TNR: variants seen among roughly 807,000 people sequenced by gnomAD.
The protein encoded by TNR is tenascin R.
TNR carries 45 observed loss-of-function variants against 150.4 expected under a neutral mutation model. The ratio of observed to expected loss-of-function variants is 0.30; its 90% confidence interval spans 0.24 to 0.38. TNR has a LOEUF of 0.38. Among genes scored for constraint, TNR ranks in the 10% least tolerant of loss-of-function variants. The pLI, the probability that TNR is intolerant of heterozygous loss-of-function variation, is 1.00. For missense variants in TNR, 1,544 were observed against 1,759.1 expected, an observed-to-expected ratio of 0.88 and a Z score of 2.19; for synonymous variants, 687 against 678.4, an observed-to-expected ratio of 1.01 and a Z score of -0.20.
intron 2 of TNR, among the ~76,000 whole-genome samples, chr1:175,465,398 A>C (rs1020109022): frequency 1.3e-5 from 2 of 152,234 alleles, no homozygotes; most frequent in African/African-American, 4.8e-5. Context: ...ATGGCACAGA[A>C]TGAGACTTGA....
At chr1:175,713,656 G>T (rs1244592049) in intron 1 of TNR, among the ~76,000 whole-genome samples, 1 of 152,094 alleles carries the variant, frequency 6.6e-6, no homozygotes, top group Non-Finnish European at 1.5e-5. Flanking sequence ...TTGTCATTAA[G>T]CCACCAAACC....
At chr1:175,442,687 G>T (rs1355185499) in intron 2 of TNR, among the ~76,000 whole-genome samples, 1 of 151,700 alleles carries the variant, frequency 6.6e-6, no homozygotes, top group Non-Finnish European at 1.5e-5. Context: ...CTCTTTCCAA[G>T]CATTAAAGTA....
At position 175,396,698 on chromosome 1, in the gene TNR, C is replaced by T. The variant is rs573144302; in HGVS notation, c.1086G>A (p.Thr362=). ...VTEYVISYQP[T]ALGGLQLQQR... The stretch of plus-strand genomic sequence containing the variant: ...GCTGGAGCTGGAGGCCCCCCAGGGC[C>T]GTCGGCTGGTAAGAGATCACATATT... Residue 362 remains threonine (T), a synonymous_variant, in exon 5 of 23, where the codon ACG becomes ACA. Coordinates refer to ENST00000367674, the MANE Select transcript of TNR (RefSeq NM_003285.3). The T allele has an allele frequency of 8.7e-6, 14 of 1,614,178 alleles. No homozygotes were observed. The highest frequency in any genetic ancestry group is 5.5e-5 in the South Asian group (5 of 91,080).
Position 175,367,225 on chromosome 1 carries a change from G to T in TNR, c.2036C>A (p.Thr679Asn). Residue 679 changes from threonine (T) to asparagine (N), a missense_variant, in exon 10 of 23, where the codon ACC becomes AAC. Physicochemically the swap from Thr to Asn is moderately conservative, Grantham distance 65. This residue lies in a region of TNR where 1,254 missense variants were observed against 1,329.4 expected (regional missense o/e 0.94). Coordinates refer to ENST00000367674, the MANE Select transcript of TNR (RefSeq NM_003285.3). ...CTACTCACCAGTCCTGGCATTCATG[G>T]TGGCTGGCACGCTTTGCTGTGAGTT... ...VMNSQQSVPA[T>N]MNARTELDSP... The T allele has an allele frequency of 6.2e-7, 1 of 1,614,134 alleles. No individual in the cohort carries two copies. Among genetic ancestry groups the T allele is most frequent in the Non-Finnish European group, 8.5e-7 (1 of 1,180,002 alleles).
chr1:175,338,778 A>G (rs1172445989), intron 18 of TNR, among the ~76,000 whole-genome samples: 1 of 152,074 alleles, frequency 6.6e-6, no homozygotes, highest in Non-Finnish European at 1.5e-5. Flanking sequence ...CAACATAGCA[A>G]CCTCACTGAA....
chr1:175,439,843 T>C (rs533689669), intron 2 of TNR, among the ~76,000 whole-genome samples: 2 of 152,264 alleles, frequency 1.3e-5, no homozygotes, highest in African/African-American at 4.8e-5. Context: ...TCACACCAGT[T>C]AGAATGGTGA....
At position 175,623,772 on chromosome 1, in the gene TNR, G is replaced by T. The variant is rs138190633; in HGVS notation, c.-164-95403C>A. Among the ~76,000 whole-genome samples the T allele has an allele frequency of 2.7e-3, 417 of 152,340 alleles. 2 individuals carry two copies. The highest frequency in any genetic ancestry group is 0.017 in the Middle Eastern group (5 of 294). ...TTACCCACATGTATGATGATAAAAT[G>T]CTAGGGGAAGAATTGACATAGGAGT... On this transcript the variant is annotated intron_variant, in intron 1 of 22. Transcript: ENST00000367674.
At chr1:175,641,660 G>A (rs1183760546) in intron 1 of TNR, among the ~76,000 whole-genome samples, 1 of 152,122 alleles carries the variant, frequency 6.6e-6, no homozygotes, top group African/African-American at 2.4e-5. Flanking sequence ...AACTTCCCAA[G>A]TCTGACACTG....
intron 21 of TNR, among the ~76,000 whole-genome samples, chr1:175,324,871 T>C (rs1300541446): frequency 6.6e-6 from 1 of 151,922 alleles, no homozygotes; most frequent in African/African-American, 2.4e-5. Context: ...TCAGAGGAGA[T>C]GGTGATGAGC....
At chr1:175,639,639 T>C (rs940059073) in intron 1 of TNR, among the ~76,000 whole-genome samples, 1 of 152,200 alleles carries the variant, frequency 6.6e-6, no homozygotes, top group African/African-American at 2.4e-5. Context: ...TTCTAGCTCA[T>C]GTGAGGTAAA....
intron 2 of TNR, among the ~76,000 whole-genome samples, chr1:175,418,948 G>A (rs1220144912): frequency 6.6e-6 from 1 of 152,162 alleles, no homozygotes; most frequent in African/African-American, 2.4e-5. Flanking sequence ...ATGATTAAGA[G>A]GCCCTTTGAT....
In TNR at chr1:175,591,684, T is replaced by G. The variant is rs527326734; in HGVS notation, c.-164-63315A>C. 2.0e-5 allele frequency among the ~76,000 whole-genome samples: 3 copies of G among 152,314 alleles called. No homozygotes were observed. In the South Asian group the frequency reaches 6.2e-4, roughly 32 times the overall value. ...CAGCCAATGTGGTTTTGAAACTTGG[T>G]TTTCCCACCTATTACATCTGTGAAG... On this transcript the variant is annotated intron_variant, in intron 1 of 22. Transcript: ENST00000367674.
chr1:175,602,709 G>A (rs1298425303), intron 1 of TNR, among the ~76,000 whole-genome samples: 2 of 152,154 alleles, frequency 1.3e-5, no homozygotes, highest in African/African-American at 4.8e-5. Flanking sequence ...TAGTATCCAA[G>A]AAAGAAATCT....
chr1:175,464,091 C>T (rs894512294), intron 2 of TNR, among the ~76,000 whole-genome samples: 2 of 152,242 alleles, frequency 1.3e-5, no homozygotes, highest in African/African-American at 2.4e-5. Flanking sequence ...TGACTAATCA[C>T]TTTCCTCACA....
At chr1:175,701,002 A>C (rs1208045843) in intron 1 of TNR, among the ~76,000 whole-genome samples, 2 of 152,098 alleles carry the variant, frequency 1.3e-5, no homozygotes, top group African/African-American at 4.8e-5. Flanking sequence ...CACAAACTGC[A>C]CCCTTGACTT....
intron 12 of TNR, 78 bp downstream of exon 12, chr1:175,364,931 CT>C: frequency 6.7e-7 from 1 of 1,503,366 alleles, no homozygotes; most frequent in Non-Finnish European, 8.9e-7. Context: ...GGGTCTTTCT[CT>C]TTTAAAATTT....
chr1:175,657,887 A>ATAT (rs1553251721), intron 1 of TNR, among the ~76,000 whole-genome samples: 7 of 126,166 alleles, frequency 5.5e-5, no homozygotes, highest in Admixed American at 2.4e-4. Flanking sequence ...ATATATATGT[A>ATAT]ACAAACCTGC....
At chr1:175,547,655 G>GA (rs1557999591) in intron 1 of TNR, among the ~76,000 whole-genome samples, 55 of 144,390 alleles carry the variant, frequency 3.8e-4, no homozygotes, top group African/African-American at 1.4e-3. Flanking sequence ...AAGAAAGGAA[G>GA]AAGAAAGAAA....
At chr1:175,412,451 T>C (rs748549324) in intron 2 of TNR, among the ~76,000 whole-genome samples, 16 of 152,076 alleles carry the variant, frequency 1.1e-4, no homozygotes, top group Non-Finnish European at 2.4e-4. Context: ...TATTTAAAAG[T>C]CTCCAGCCTC....
Sources: allele counts gnomAD v4.1 joint callset (sites outside exome capture counted in the v4.1 genomes callset), GRCh38; gene constraint gnomAD v4.1.1; regional missense constraint gnomAD v4.1.1; transcripts MANE v1.5; gene names NCBI Gene and HGNC (gene_info 2026-07-23, HGNC 2026-07-21).